SUFU: variants seen among roughly 807,000 people sequenced by gnomAD.
The protein encoded by SUFU is suppressor of fused homolog.
SUFU carries 7 observed loss-of-function variants against 58.9 expected under a neutral mutation model. The ratio of observed to expected loss-of-function variants is 0.12; its 90% CI spans 0.07 to 0.22. The LOEUF (loss-of-function observed/expected upper bound fraction) is 0.22, where lower values mean the gene tolerates loss of function less well. Ranked by LOEUF, SUFU falls within the 10% of genes least tolerant of loss-of-function variation. The pLI is 1.00. For synonymous variants in SUFU, 232 were observed against 254.8 expected (o/e 0.91, Z 0.85); for missense variants, 451 against 641.3 (o/e 0.70, Z 3.20).
rs779652528 is a variant in SUFU at position 102,593,597 on chromosome 10, G to C, written c.598-39G>C. 12 of 1,602,178 alleles carry C rather than the reference G, an allele frequency of 7.5e-6. No individual in the cohort carries two copies. The Admixed American group carries it at 1.7e-4, about 22-fold the overall frequency. ...GCTGACCTTCTTGGGGTGGGGGGTG[G>C]CCATTAACACACAATGGGCTTTCTA... On this transcript the variant is annotated intron_variant, in intron 4 of 11. Transcript: ENST00000369902.
chr10:102,618,979 T>TGTGTG, intron 10 of SUFU: 2 of 999,108 alleles, frequency 2.0e-6, no homozygotes, highest in Non-Finnish European at 3.2e-6. Context: ...TGTGTGTGTG[T>TGTGTG]AATGTTCAAG....
At chr10:102,573,067 T>C in intron 3 of SUFU, 1 of 800,400 alleles carries the variant, frequency 1.2e-6, no homozygotes. Context: ...GCCTCCAGAA[T>C]CGCAGTGTCT....
intron 8 of SUFU, among the ~76,000 whole-genome samples, chr10:102,607,006 C>T (rs1301201753): frequency 6.6e-6 from 1 of 151,818 alleles, no homozygotes; most frequent in African/African-American, 2.4e-5. Flanking sequence ...TTGATAAATA[C>T]CTGATGTATT....
At chr10:102,603,349 C>G (rs1018337475) in intron 8 of SUFU, among the ~76,000 whole-genome samples, 71 of 152,186 alleles carry the variant, frequency 4.7e-4, no homozygotes, top group African/African-American at 1.7e-3. Context: ...AACTGTTGCT[C>G]AGATGCTGGG....
At chr10:102,546,225 C>T (rs930564036) in intron 2 of SUFU, among the ~76,000 whole-genome samples, 3 of 152,230 alleles carry the variant, frequency 2.0e-5, no homozygotes, top group Non-Finnish European at 2.9e-5. Flanking sequence ...AGCCTTCCCC[C>T]GGACACCCCC....
At chr10:102,587,505 T>C (rs2063346464) in intron 3 of SUFU, among the ~76,000 whole-genome samples, 1 of 152,226 alleles carries the variant, frequency 6.6e-6, no homozygotes, top group Non-Finnish European at 1.5e-5. Flanking sequence ...GTTTGTTTTG[T>C]TTTGAGACGA....
intron 10 of SUFU, chr10:102,618,211 C>T (rs1020516206): frequency 2.6e-5 from 4 of 152,332 alleles, no homozygotes; most frequent in Admixed American, 1.3e-4. Context: ...AACCTCACCT[C>T]GCTCGCAAGT....
At chr10:102,551,717 CTTTTTTTTTTTT>C (rs771685480) in intron 3 of SUFU, among the ~76,000 whole-genome samples, 2 of 68,714 alleles carry the variant, frequency 2.9e-5, no homozygotes. Context: ...TATGTGCCTT[CTTTTTTTTTTTT>C]TTTTTTTTTT....
Position 102,581,180 on chromosome 10 carries a change from CAAAAAAAAAAAAAA to C in SUFU, c.455-11384_455-11371del, listed in dbSNP as rs71016393. Among the ~76,000 whole-genome samples, 23 of 75,656 alleles carry C rather than the reference CAAAAAAAAAAAAAA, an allele frequency of 3.0e-4. No homozygotes were observed. The South Asian group carries it at 3.4e-3, about 11-fold the overall frequency. The allele number at this position is 75,656 out of a possible 152,430, so 49.6% of individuals were successfully genotyped here. On this transcript the variant is annotated intron_variant, in intron 3 of 11. Coordinates refer to ENST00000369902, the MANE Select transcript of SUFU (RefSeq NM_016169.4). ...GGGCGACAGAGAGAGACTCTGTCTCCAAAAAAAAAAAAAAAAAAAAAAAAAAAAAAAGAAGAAGA... is the reference window on the plus strand; with the variant it reads ...GGGCGACAGAGAGAGACTCTGTCTCCAAAAAAAAAAAAAAAAAGAAGAAGA...
chr10:102,597,937 C>T lies in SUFU; in HGVS notation c.910+644C>T, dbSNP rs143004943. Among the ~76,000 whole-genome samples the T allele has an allele frequency of 2.9e-3, 449 of 152,264 alleles. 4 individuals are homozygous for T. Among genetic ancestry groups the T allele is most frequent in the African/African-American group, 0.01 (432 of 41,566 alleles). ...GTTGTGGTTTTTAGTAGAGGGCGTC[C>T]CCAGCTAACTGCAAAGGAGAAGCAG... On this transcript the variant is annotated intron_variant, in intron 7 of 11. Transcript: ENST00000369902.
intron 3 of SUFU, chr10:102,572,682 A>G: frequency 1.6e-6 from 1 of 618,856 alleles, no homozygotes; most frequent in South Asian, 1.6e-5. Flanking sequence ...GTGAGCCACC[A>G]TGCCCAGCCT....
intron 3 of SUFU, among the ~76,000 whole-genome samples, chr10:102,580,162 G>GGT (rs2063261092): frequency 1.3e-5 from 2 of 152,188 alleles, no homozygotes; most frequent in South Asian, 4.1e-4. Context: ...ATGTTCCTGG[G>GGT]ATTATCCTTC....
At chr10:102,554,682 C>T (rs1228210353) in intron 3 of SUFU, among the ~76,000 whole-genome samples, 1 of 152,198 alleles carries the variant, frequency 6.6e-6, no homozygotes, top group Non-Finnish European at 1.5e-5. Flanking sequence ...CTCCTCTTGC[C>T]TGAACTGTTC....
chr10:102,615,410 A>G lies in SUFU; in HGVS notation c.1157+8A>G. 1 of 1,613,984 alleles carries G rather than the reference A, an allele frequency of 6.2e-7. No homozygotes were observed. Among genetic ancestry groups the G allele is most frequent in the Non-Finnish European group, 8.5e-7 (1 of 1,179,908 alleles). Reference sequence around the variant, plus strand: ...CATTCCTCTCTGCCTAAGGTGAGCGAGACAGCCCTGCCACACAGTTTACCC... The same window carrying G: ...CATTCCTCTCTGCCTAAGGTGAGCGGGACAGCCCTGCCACACAGTTTACCC... On this transcript the variant is annotated splice_region_variant and intron_variant, in intron 9 of 11. Transcript: ENST00000369902.
rs915972585 is a variant in SUFU, at chr10:102,589,287, A to G, written c.455-3295A>G. Among the ~76,000 whole-genome samples the G allele has an allele frequency of 7.9e-5, 12 of 151,922 alleles. 1 individual carries two copies. The highest frequency in any genetic ancestry group is 4.4e-5 in the Non-Finnish European group (3 of 67,970). On this transcript the variant is annotated intron_variant, in intron 3 of 11. Coordinates refer to ENST00000369902, the MANE Select transcript of SUFU (RefSeq NM_016169.4). ...ATACAAATACAAATAACTTTTGCAT[A>G]TTGTTTTTGTACCCTACAACCTTGC...
Position 102,599,473 on chromosome 10 carries a change from G to A in SUFU, c.951G>A (p.Glu317=), listed in dbSNP as rs766194370. 1 of 1,614,198 alleles carries A rather than the reference G, an allele frequency of 6.2e-7. No individual in the cohort carries two copies. Residue 317 remains glutamate, a synonymous_variant, in exon 8 of 12, where the codon GAG becomes GAA. Coordinates refer to ENST00000369902, the MANE Select transcript of SUFU (RefSeq NM_016169.4). ...QIRETLRRGL[E]INSKPVLPPI... ...GGGAGACCCTGAGGAGAGGACTCGA[G>A]ATCAACAGCAAACCTGTCCTTCCAC...
chr10:102,601,603 T>C (rs1394581897), intron 8 of SUFU, among the ~76,000 whole-genome samples: 3 of 152,220 alleles, frequency 2.0e-5, no homozygotes, highest in Admixed American at 6.5e-5. Context: ...AGCAATTGGT[T>C]GAGAAATGGT....
chr10:102,611,509 T>G (rs2063622592), intron 8 of SUFU, among the ~76,000 whole-genome samples: 1 of 152,116 alleles, frequency 6.6e-6, no homozygotes, highest in African/African-American at 2.4e-5. Context: ...TCTCCCAAGC[T>G]CCAGGCAAGA....
At chr10:102,575,082 G>A (rs969348614) in intron 3 of SUFU, among the ~76,000 whole-genome samples, 1 of 151,714 alleles carries the variant, frequency 6.6e-6, no homozygotes, top group Non-Finnish European at 1.5e-5. Context: ...TAGGCATGGT[G>A]GTGTGCCTGT....
Sources: gnomAD v4.1 joint callset for allele counts (sites outside exome capture counted in the v4.1 genomes callset) on GRCh38, gnomAD v4.1.1 for gene constraint, MANE v1.5 for transcripts, NCBI Gene and HGNC (gene_info 2026-07-23, HGNC 2026-07-21) for gene names.